The following PAPLN variants were observed in gnomAD, a reference collection of about 807,000 sequenced individuals.
The protein encoded by PAPLN is papilin.
In PAPLN, 146 loss-of-function variants were observed where a neutral mutation model predicts 159.0. The ratio of observed to expected loss-of-function variants is 0.92; its 90% confidence interval spans 0.80 to 1.05. The LOEUF (loss-of-function observed/expected upper bound fraction) is 1.05, where lower values mean the gene tolerates loss of function less well. PAPLN is among the 50% of genes least tolerant of loss of function. PAPLN has a pLI of 0.00. For synonymous variants in PAPLN, 734 were observed against 702.9 expected (o/e 1.04, Z -0.70); for missense variants, 1,720 against 1,743.9 (o/e 0.99, Z 0.24).
At position 73,265,540 on chromosome 14, in the gene PAPLN, C is replaced by T; in HGVS notation, c.3263+33C>T. ...TGACTCCTCTCCCCTTCCTCCTATT[C>T]TGCCTCCAGCCCCACCTTATCCTAT... is the stretch of plus-strand genomic sequence containing the variant. On this transcript the variant is annotated intron_variant, in intron 23 of 26. Coordinates refer to ENST00000644200, the MANE Select transcript of PAPLN (RefSeq NM_001365906.3). This position sits in a 1 kb window ranked among gnomAD's most constrained non-coding sequence, Gnocchi z 4.1. The T allele has an allele frequency of 1.2e-6, 2 of 1,605,938 alleles. No individual in the cohort carries two copies. Among genetic ancestry groups the T allele is most frequent in the Non-Finnish European group, 1.7e-6 (2 of 1,175,680 alleles).
intron 6 of PAPLN, among the ~76,000 whole-genome samples, chr14:73,250,699 G>A (rs1043736321): frequency 6.6e-6 from 1 of 152,174 alleles, no homozygotes; most frequent in African/African-American, 2.4e-5. Context: ...GGAAAACAGG[G>A]CATTATTACC....
intron 19 of PAPLN, 139 bp from the exon 20 acceptor site, chr14:73,263,506 C>T: frequency 9.2e-7 from 1 of 1,087,452 alleles, no homozygotes; most frequent in Non-Finnish European, 1.3e-6. Flanking sequence ...GGGGCTCTGC[C>T]TCCCATAGGG....
rs1887962085 is a variant in PAPLN at position 73,274,115 on chromosome 14, G to C, written c.*1451G>C. 6.6e-6 allele frequency: 1 copy of C among 152,270 alleles called. No homozygotes were observed. Among genetic ancestry groups the C allele is most frequent in the African/African-American group, 2.4e-5 (1 of 41,458 alleles). The allele number at this position is 152,270 out of a possible 1,614,324, so 9.4% of individuals were successfully genotyped here. A position where few individuals can be genotyped will look rare whatever the true frequency, so the allele number is the denominator to read the frequency against. ...AATGTTTGCTGCCAAAGACAAATCA[G>C]ACTGTCAGTCATTAAAAACAGCATT... On this transcript the variant is annotated 3_prime_UTR_variant, in exon 27 of 27. Transcript: ENST00000644200.
At position 73,266,710 on chromosome 14, in the gene PAPLN, TC is replaced by T; in HGVS notation, c.3392-11del. The T allele has an allele frequency of 6.2e-7, 1 of 1,614,150 alleles. No homozygotes were observed. Among genetic ancestry groups the T allele is most frequent in the Non-Finnish European group, 8.5e-7 (1 of 1,180,028 alleles). ...CTTCATAGTGGCTGACAATGACTTG[TC>T]CTTGTGCCCAGGGGAGCTGACAATC... is the stretch of plus-strand genomic sequence containing the variant. On this transcript the variant is annotated splice_polypyrimidine_tract_variant and intron_variant, in intron 24 of 26. Coordinates refer to ENST00000644200, the MANE Select transcript of PAPLN (RefSeq NM_001365906.3).
intron 25 of PAPLN, chr14:73,268,289 T>C: frequency 5.1e-6 from 2 of 391,974 alleles, no homozygotes; most frequent in Non-Finnish European, 9.2e-6. Flanking sequence ...CCTCCTGCTA[T>C]CTCACAGGCA....
At chr14:73,260,517 C>T (rs1244970672) in intron 16 of PAPLN, among the ~76,000 whole-genome samples, 192 bp from the exon 17 acceptor site, 1 of 149,884 alleles carries the variant, frequency 6.7e-6, no homozygotes, top group Non-Finnish European at 1.5e-5. Context: ...CTGGTAGCTG[C>T]TAAGAGTCGG....
intron 11 of PAPLN, chr14:73,253,252 G>T (rs777335677): frequency 1.2e-4 from 161 of 1,356,794 alleles, no homozygotes; most frequent in Middle Eastern, 2.1e-4. Context: ...CAGGCTCCCC[G>T]CAGGGCTGGT....
chr14:73,252,714 C>T lies in PAPLN; in HGVS notation c.1033C>T (p.Arg345Cys), dbSNP rs556246074. 26 of 1,613,526 alleles carry T rather than the reference C, an allele frequency of 1.6e-5. No homozygotes were observed. The highest frequency in any genetic ancestry group is 6.7e-5 in the East Asian group (3 of 44,888). Residue 345 changes from arginine (R) to cysteine (C), a missense_variant, in exon 11 of 27, where the codon CGC becomes TGC. Physicochemically the swap from Arg to Cys is radical, Grantham distance 180. Transcript: ENST00000644200. Reference protein sequence around the residue: ...HEAYPDHMCQRQPRPADRRSC... With the variant: ...HEAYPDHMCQCQPRPADRRSC... ...GGCCTACCCCGACCACATGTGCCAG[C>T]GCCAGCCACGGCCAGCTGACCGGCG... is the stretch of plus-strand genomic sequence containing the variant.
In PAPLN at chr14:73,250,858, G is replaced by T. The variant is rs927767768; in HGVS notation, c.466-49G>T. The T allele has an allele frequency of 3.8e-6, 6 of 1,559,414 alleles. No individual in the cohort carries two copies. The Admixed American group carries it at 1.1e-4, about 28-fold the overall frequency. ...TAGGATGCGACGGGGCCCAAGGCCT[G>T]ATGTGGCCATGATGCCGTCTCCCCT... On this transcript the variant is annotated intron_variant, in intron 6 of 26. Coordinates refer to ENST00000644200, the MANE Select transcript of PAPLN (RefSeq NM_001365906.3).
Position 73,265,396 on chromosome 14 carries a change from G to C in PAPLN, c.3152G>C (p.Arg1051Pro). ...CTGCGTTTGGACCAGAACCAGCCCC[G>C]GGTGGTGGATGCCAGTCCAGGCCAG... ...NRLRLDQNQP[R>P]VVDASPGQRI... The change falls in exon 23 of 27, where the codon CGG (arginine) becomes CCG (proline). Residue 1051 changes from arginine to proline, a missense_variant. Transcript: ENST00000644200. The surrounding 1 kb of genome is among the most constrained non-coding windows in gnomAD (Gnocchi z 4.1). 1 of 1,611,458 alleles carries C rather than the reference G, an allele frequency of 6.2e-7. No individual in the cohort carries two copies. The highest frequency in any genetic ancestry group is 8.5e-7 in the Non-Finnish European group (1 of 1,179,992).
intron 21 of PAPLN, 89 bp from the exon 22 acceptor site, chr14:73,264,499 C>T (rs978756267): frequency 1.2e-5 from 18 of 1,525,980 alleles, no homozygotes; most frequent in Admixed American, 6.4e-5. Context: ...CTCATTTCTC[C>T]GTAAGTCCCT....
chr14:73,239,942 TG>T, intron 2 of PAPLN, 110 bp downstream of exon 2: 5 of 1,445,020 alleles, frequency 3.5e-6, no homozygotes, highest in Non-Finnish European at 4.5e-6. Flanking sequence ...TCAGGGAAGC[TG>T]GGCTGGGAGG....
At position 73,265,395 on chromosome 14, in the gene PAPLN, CG is replaced by C; in HGVS notation, c.3154del (p.Val1052TrpfsTer12). ...GCTGCGTTTGGACCAGAACCAGCCC[CG>C]GGTGGTGGATGCCAGTCCAGGCCAG... ...NRLRLDQNQP[R>X]VVDASPGQRI... On this transcript the variant is annotated frameshift_variant, in exon 23 of 27. Coordinates refer to ENST00000644200, the MANE Select transcript of PAPLN (RefSeq NM_001365906.3). LOFTEE classifies it high-confidence loss of function. The surrounding 1 kb of genome is among the most constrained non-coding windows in gnomAD (Gnocchi z 4.1). 6.2e-7 allele frequency: 1 copy of C among 1,611,360 alleles called. No individual in the cohort carries two copies.
chr14:73,250,791 C>A, intron 6 of PAPLN, 116 bp from the exon 7 acceptor site: 1 of 1,293,006 alleles, frequency 7.7e-7, no homozygotes, highest in Non-Finnish European at 1.0e-6. Context: ...CTGAATCACT[C>A]CCGACCACCC....
chr14:73,252,762 C>T lies in PAPLN; in HGVS notation c.1081C>T (p.Pro361Ser), dbSNP rs1251814126. 2 of 1,613,468 alleles carry T rather than the reference C, an allele frequency of 1.2e-6. No individual in the cohort carries two copies. Among genetic ancestry groups the T allele is most frequent in the South Asian group, 1.1e-5 (1 of 91,080 alleles). The change falls in exon 11 of 27, where the codon CCG becomes TCG. Residue 361 changes from proline (P) to serine (S), a missense_variant. Transcript: ENST00000644200. ...DRRSCNLHPC[P>S]ETKRWKAGPW... ...GCGTTCCTGCAATCTTCACCCTTGC[C>T]CGGAGACCAAGCGGTGAGACCTTGC...
chr14:73,274,527 T>C lies in PAPLN; in HGVS notation c.*1863T>C, dbSNP rs1887989483. On this transcript the variant is annotated 3_prime_UTR_variant, in exon 27 of 27. Transcript: ENST00000644200. The stretch of plus-strand genomic sequence containing the variant: ...AAATGTGGGCTGGGGCAGAGGTCTT[T>C]TTTCATTTAATACTGGAAAAATATT... The C allele has an allele frequency of 6.6e-6, 1 of 152,240 alleles. No individual in the cohort carries two copies. Among genetic ancestry groups the C allele is most frequent in the Non-Finnish European group, 1.5e-5 (1 of 68,046 alleles). 9.4% of individuals were successfully genotyped at this position (152,240 alleles called of 1,614,324 possible).
chr14:73,243,686 T>C (rs1351697378), intron 2 of PAPLN: 2 of 152,262 alleles, frequency 1.3e-5, no homozygotes, highest in Non-Finnish European at 1.5e-5. Flanking sequence ...GGATTCCTGA[T>C]GCCAGCTGCA....
Position 73,274,262 on chromosome 14 carries a change from T to A in PAPLN, c.*1598T>A, listed in dbSNP as rs946071010. The A allele has an allele frequency of 6.6e-6, 1 of 152,252 alleles. No homozygotes were observed. The highest frequency in any genetic ancestry group is 1.5e-5 in the Non-Finnish European group (1 of 68,042). 9.4% of individuals were successfully genotyped at this position (152,252 alleles called of 1,614,324 possible). A position where few individuals can be genotyped will look rare whatever the true frequency, so the allele number is the denominator to read the frequency against. ...TCTCTCAGGACTTCTAATTCCTTGA[T>A]GCTAAAAGAAGAGGCATGGATTCTA... On this transcript the variant is annotated 3_prime_UTR_variant, in exon 27 of 27. Transcript: ENST00000644200.
Position 73,262,783 on chromosome 14 carries a change from A to G in PAPLN, c.2679A>G (p.Gly893=). The part of the protein sequence containing the change: ...ELGSRAPGLG[G]DAGSPAPPFH... ...GGTCCAGGGCCCCTGGACTGGGTGG[A>G]GATGCCGGATCACCAGCGCCACCCT... Residue 893 remains glycine (G), a synonymous_variant, in exon 19 of 27, where the codon GGA becomes GGG. Transcript: ENST00000644200. 1 of 1,502,440 alleles carries G rather than the reference A, an allele frequency of 6.7e-7. No individual in the cohort carries two copies. Among genetic ancestry groups the G allele is most frequent in the South Asian group, 1.4e-5 (1 of 70,918 alleles). The allele number at this position is 1,502,440 out of a possible 1,614,324, so 93.1% of individuals were successfully genotyped here.
Sources: gnomAD v4.1 joint callset for allele counts (sites outside exome capture counted in the v4.1 genomes callset) on GRCh38, gnomAD v4.1.1 for gene constraint, Gnocchi (gnomAD v3.1) non-coding constraint, MANE v1.5 for transcripts, NCBI Gene and HGNC (gene_info 2026-07-23, HGNC 2026-07-21) for gene names.